The following ROBO1 variants were observed in gnomAD, a reference collection of about 807,000 sequenced individuals.
The protein encoded by ROBO1 is roundabout guidance receptor 1.
ROBO1 carries 149 observed loss-of-function variants against 195.9 expected under a neutral mutation model. That is an observed-to-expected ratio of 0.76 (90% CI 0.67 to 0.87). The LOEUF (loss-of-function observed/expected upper bound fraction) is 0.87, where lower values mean the gene tolerates loss of function less well. ROBO1 is among the 40% of genes least tolerant of loss of function. The probability of loss-of-function intolerance (pLI) is 0.00; values close to 1 mark genes in which losing one functional copy is unlikely to be tolerated. For missense variants in ROBO1, 1,933 were observed against 2,068.3 expected, an observed-to-expected ratio of 0.93 and a Z score of 1.27; for synonymous variants, 816 against 733.2, an observed-to-expected ratio of 1.11 and a Z score of -1.82.
intron 1 of ROBO1, among the ~76,000 whole-genome samples, chr3:79,704,283 C>G (rs989862841): frequency 6.6e-5 from 10 of 151,898 alleles, no homozygotes; most frequent in African/African-American, 2.4e-4. Context: ...CATGAATCCA[C>G]CCTTGTAGTA....
In ROBO1 at chr3:79,720,163, C is replaced by G. The variant is rs141818640; in HGVS notation, c.-51+47589G>C. Among the ~76,000 whole-genome samples, 477 of 152,292 alleles carry G rather than the reference C, an allele frequency of 3.1e-3. 2 individuals carry two copies. The highest frequency in any genetic ancestry group is 0.011 in the African/African-American group (448 of 41,550). On this transcript the variant is annotated intron_variant, in intron 1 of 30. Transcript: ENST00000464233. ...AGTATTCGTGCCCTTTATTAGACTC[C>G]TCCCATCTTGATTCTTAGCTGGAGG...
intron 2 of ROBO1, among the ~76,000 whole-genome samples, chr3:79,230,621 G>C (rs557764149): frequency 6.6e-6 from 1 of 152,080 alleles, no homozygotes. Flanking sequence ...ACACAAATGA[G>C]TGGAAAAAAA....
At chr3:79,462,511 C>A (rs1022658788) in intron 2 of ROBO1, among the ~76,000 whole-genome samples, 2 of 152,036 alleles carry the variant, frequency 1.3e-5, no homozygotes, top group South Asian at 4.2e-4. Context: ...ATATGTGTAA[C>A]CTTTTAAAAG....
chr3:78,936,299 A>C (rs960634704), intron 4 of ROBO1, among the ~76,000 whole-genome samples: 13 of 152,078 alleles, frequency 8.5e-5, no homozygotes, highest in Non-Finnish European at 1.6e-4. Flanking sequence ...AAGGCAAATA[A>C]AACACATGAA....
intron 2 of ROBO1, among the ~76,000 whole-genome samples, chr3:79,287,977 A>C (rs1313405801): frequency 6.6e-6 from 1 of 152,148 alleles, no homozygotes. Flanking sequence ...AATGAAACAA[A>C]AGAATGCCTA....
At chr3:78,937,531 C>T (rs981114663) in intron 4 of ROBO1, among the ~76,000 whole-genome samples, 1 of 152,002 alleles carries the variant, frequency 6.6e-6, no homozygotes, top group Admixed American at 6.6e-5. Context: ...TTATATACAG[C>T]AGGATCCTTT....
At chr3:79,747,221 G>C (rs1297171649) in intron 1 of ROBO1, among the ~76,000 whole-genome samples, 4 of 151,994 alleles carry the variant, frequency 2.6e-5, no homozygotes, top group Admixed American at 6.6e-5. Context: ...GAATCTTAGA[G>C]TGTGCTCAGT....
At chr3:79,516,492 A>G (rs1211625320) in intron 2 of ROBO1, among the ~76,000 whole-genome samples, 1 of 152,112 alleles carries the variant, frequency 6.6e-6, no homozygotes, top group Non-Finnish European at 1.5e-5. Flanking sequence ...AATCCTCCCT[A>G]CTGCCACACT....
intron 2 of ROBO1, among the ~76,000 whole-genome samples, chr3:79,151,652 T>G (rs776151258): frequency 6.6e-6 from 1 of 151,822 alleles, no homozygotes; most frequent in Non-Finnish European, 1.5e-5. Context: ...GAGAATAAAA[T>G]GAAATTTTCT....
intron 1 of ROBO1, among the ~76,000 whole-genome samples, chr3:79,765,252 A>G (rs534693821): frequency 1.3e-5 from 2 of 152,204 alleles, no homozygotes; most frequent in African/African-American, 2.4e-5. Flanking sequence ...CGTGGCAACA[A>G]TATAAGGTGA....
chr3:78,697,009 T>C (rs1359484570), intron 8 of ROBO1, among the ~76,000 whole-genome samples: 1 of 149,930 alleles, frequency 6.7e-6, no homozygotes, highest in Non-Finnish European at 1.5e-5. Flanking sequence ...CAGTATATTT[T>C]GACAAGAACC....
intron 29 of ROBO1, among the ~76,000 whole-genome samples, chr3:78,606,171 C>T (rs1703448343): frequency 6.6e-6 from 1 of 152,188 alleles, no homozygotes; most frequent in South Asian, 2.1e-4. Flanking sequence ...TATCCCTGGC[C>T]TTTGCAACTT....
intron 1 of ROBO1, among the ~76,000 whole-genome samples, chr3:79,642,327 C>A (rs971468811): frequency 6.6e-6 from 1 of 151,976 alleles, no homozygotes; most frequent in Non-Finnish European, 1.5e-5. Context: ...TCAAGGGGGA[C>A]TTCAGTAAGA....
intron 4 of ROBO1, among the ~76,000 whole-genome samples, chr3:78,860,326 A>ATATATATATATATTTT (rs376853384): frequency 9.6e-5 from 9 of 93,510 alleles, no homozygotes; most frequent in South Asian, 3.9e-4. Flanking sequence ...ATATATATAT[A>ATATATATATATATTTT]TTTTTTTTTT....
intron 4 of ROBO1, among the ~76,000 whole-genome samples, chr3:78,842,318 GAGCCATATATATTTTTATATA>G (rs1559913697): frequency 8.5e-6 from 1 of 116,964 alleles, no homozygotes; most frequent in African/African-American, 3.3e-5. Flanking sequence ...TTATATATAT[GAGCCATATATATTTTTATATA>G]TATGAGCCAT....
intron 3 of ROBO1, among the ~76,000 whole-genome samples, chr3:79,081,296 G>T (rs1559644999): frequency 6.6e-6 from 1 of 151,816 alleles, no homozygotes; most frequent in Non-Finnish European, 1.5e-5. Flanking sequence ...AATACGATAG[G>T]TCAATCATTT....
rs71127358 is a variant in ROBO1 at position 78,787,926 on chromosome 3, CTTTTTTTTTTTTTTT to C, written c.500-41041_500-41027del. On this transcript the variant is annotated intron_variant, in intron 4 of 30. Coordinates refer to ENST00000464233, the MANE Select transcript of ROBO1 (RefSeq NM_002941.4). ...CTGGCCACAGAGTTAGACCCCTTCT[CTTTTTTTTTTTTTTT>C]TTTTTTTTTTTTTTTTGATACGGAG... Among the ~76,000 whole-genome samples the C allele has an allele frequency of 9.8e-5, 7 of 71,718 alleles. No homozygotes were observed. In the East Asian group the frequency reaches 1.9e-3, roughly 19 times the overall value. The allele number at this position is 71,718 out of a possible 152,430, so 47.0% of individuals were successfully genotyped here.
At chr3:79,324,909 G>A (rs2034140100) in intron 2 of ROBO1, among the ~76,000 whole-genome samples, 1 of 152,146 alleles carries the variant, frequency 6.6e-6, no homozygotes. Context: ...AATACAAAGA[G>A]CCCAGAGTGG....
intron 1 of ROBO1, among the ~76,000 whole-genome samples, chr3:79,691,390 G>A (rs891718635): frequency 1.3e-5 from 2 of 151,504 alleles, no homozygotes; most frequent in East Asian, 1.9e-4. Flanking sequence ...AGTAGATAAG[G>A]TGTAAAATAT....
Sources: gnomAD v4.1 joint callset for allele counts (sites outside exome capture counted in the v4.1 genomes callset) on GRCh38, gnomAD v4.1.1 for gene constraint, MANE v1.5 for transcripts, NCBI Gene and HGNC (gene_info 2026-07-23, HGNC 2026-07-21) for gene names.